AP1G1: variants seen among roughly 807,000 people sequenced by gnomAD.
AP1G1 encodes AP-1 complex subunit gamma-1.
AP1G1 carries 7 observed loss-of-function variants against 108.3 expected under a neutral mutation model. The ratio of observed to expected loss-of-function variants is 0.06; its 90% CI spans 0.04 to 0.12. The LOEUF is 0.12. Among genes scored for constraint, AP1G1 ranks in the 10% least tolerant of loss-of-function variants. AP1G1 has a pLI of 1.00. For missense variants in AP1G1, 756 were observed against 1,010.7 expected (o/e 0.75, Z 3.42); for synonymous variants, 379 against 353.5 (o/e 1.07, Z -0.81).
chr16:71,800,757 C>T (rs552919472), intron 1 of AP1G1, among the ~76,000 whole-genome samples: 92 of 151,852 alleles, frequency 6.1e-4, no homozygotes, highest in African/African-American at 1.7e-3. Context: ...GCTGGGATCG[C>T]GCCACTGCAC....
chr16:71,734,856 A>T, intron 21 of AP1G1, 149 bp from the exon 22 acceptor site: 1 of 631,840 alleles, frequency 1.6e-6, no homozygotes. Flanking sequence ...TCTAGATATC[A>T]GGAATTCACA....
intron 16 of AP1G1, among the ~76,000 whole-genome samples, chr16:71,747,570 G>A (rs1188754002): frequency 6.6e-6 from 1 of 150,978 alleles, no homozygotes; most frequent in Non-Finnish European, 1.5e-5. Flanking sequence ...AACAGAGCAA[G>A]ATTCTGTCAT....
chr16:71,753,952 A>T, intron 12 of AP1G1, 65 bp from the exon 13 acceptor site: 1 of 1,486,812 alleles, frequency 6.7e-7, no homozygotes, highest in South Asian at 1.1e-5. Context: ...GTGACTAGAA[A>T]ATCCTGCCCA....
Position 71,794,958 on chromosome 16 carries a change from C to T in AP1G1, c.-3-5476G>A, listed in dbSNP as rs72801751. ...ACTCTTGTATCCTCCTATAAGAATA[C>T]AAACTTGATAAATACTATATTTATT... On this transcript the variant is annotated intron_variant, in intron 1 of 22. Coordinates refer to ENST00000299980, the MANE Select transcript of AP1G1 (RefSeq NM_001128.6). 4.9e-3 allele frequency among the ~76,000 whole-genome samples: 717 copies of T among 145,568 alleles called. 5 individuals carry two copies. The Middle Eastern group carries it at 0.053, about 11-fold the overall frequency.
chr16:71,804,902 G>C (rs1039911135), intron 1 of AP1G1, among the ~76,000 whole-genome samples: 2 of 152,134 alleles, frequency 1.3e-5, no homozygotes, highest in Admixed American at 1.3e-4. Flanking sequence ...CAGCTACTTA[G>C]GAGGCTGAAG....
chr16:71,739,612 C>CA (rs1354184522), intron 19 of AP1G1, among the ~76,000 whole-genome samples: 1 of 151,768 alleles, frequency 6.6e-6, no homozygotes, highest in Non-Finnish European at 1.5e-5. Flanking sequence ...ATTAGCCAGG[C>CA]ATGGTGGTGT....
intron 9 of AP1G1, among the ~76,000 whole-genome samples, chr16:71,762,465 C>T (rs2031132196): frequency 6.6e-6 from 1 of 152,090 alleles, no homozygotes; most frequent in Non-Finnish European, 1.5e-5. Flanking sequence ...GGGGAACAAC[C>T]ATGATATTAG....
chr16:71,757,686 G>A (rs2030871349), intron 11 of AP1G1, among the ~76,000 whole-genome samples: 1 of 152,158 alleles, frequency 6.6e-6, no homozygotes, highest in African/African-American at 2.4e-5. Context: ...TAAAGGCAGA[G>A]TCAGAAAATG....
At chr16:71,757,931 G>A (rs1310887666) in intron 11 of AP1G1, among the ~76,000 whole-genome samples, 5 of 152,132 alleles carry the variant, frequency 3.3e-5, no homozygotes, top group Non-Finnish European at 7.4e-5. Flanking sequence ...GTTAATTAGG[G>A]ATAGAAGTAG....
intron 19 of AP1G1, chr16:71,742,494 T>C (rs1257888230): frequency 6.6e-6 from 1 of 152,236 alleles, no homozygotes; most frequent in African/African-American, 2.4e-5. Flanking sequence ...GTGCCTACTA[T>C]GTATCATGCA....
chr16:71,805,616 C>G (rs1410482145), intron 1 of AP1G1, among the ~76,000 whole-genome samples: 1 of 152,134 alleles, frequency 6.6e-6, no homozygotes, highest in Non-Finnish European at 1.5e-5. Flanking sequence ...AAATCCTCAT[C>G]AAATGCAAAT....
rs1217936966 is a variant in AP1G1, at chr16:71,731,119, A to G, written c.*1939T>C. On this transcript the variant is annotated 3_prime_UTR_variant, in exon 23 of 23. Coordinates refer to ENST00000299980, the MANE Select transcript of AP1G1 (RefSeq NM_001128.6). ...ATCCAATGAAATCAGTCTGCAAAGA[A>G]ACCCTTAAAGGCTATTTTTCATTGC... The G allele has an allele frequency of 1.3e-5, 2 of 152,596 alleles. No individual in the cohort carries two copies. Among genetic ancestry groups the G allele is most frequent in the East Asian group, 3.8e-4 (2 of 5,204 alleles). The allele number at this position is 152,596 out of a possible 1,614,324, so 9.5% of individuals were successfully genotyped here.
intron 6 of AP1G1, among the ~76,000 whole-genome samples, chr16:71,766,858 A>C (rs1005588610): frequency 1.8e-4 from 27 of 152,256 alleles, no homozygotes; most frequent in African/African-American, 6.3e-4. Flanking sequence ...AGTCACCTAA[A>C]CAAAAGTCTA....
At chr16:71,744,016 A>C (rs1463023513) in intron 19 of AP1G1, among the ~76,000 whole-genome samples, 1 of 151,448 alleles carries the variant, frequency 6.6e-6, no homozygotes, top group Non-Finnish European at 1.5e-5. Flanking sequence ...AGGCCGAGGC[A>C]GGGGGATCAT....
rs1385650926 is a variant in AP1G1, at chr16:71,729,791, C to G, written c.*3267G>C. The G allele has an allele frequency of 1.3e-5, 2 of 152,626 alleles. No homozygotes were observed. The highest frequency in any genetic ancestry group is 2.1e-4 in the South Asian group (1 of 4,826). 9.5% of individuals were successfully genotyped at this position (152,626 alleles called of 1,614,324 possible). A position where few individuals can be genotyped will look rare whatever the true frequency, so the allele number is the denominator to read the frequency against. The stretch of plus-strand genomic sequence containing the variant: ...AGTTCATGAACACCCACTTTTTCCT[C>G]TCTAGTTTTCTCAGTTTAGGACACT... On this transcript the variant is annotated 3_prime_UTR_variant, in exon 23 of 23. Coordinates refer to ENST00000299980, the MANE Select transcript of AP1G1 (RefSeq NM_001128.6).
chr16:71,794,825 A>C (rs1425012480), intron 1 of AP1G1, among the ~76,000 whole-genome samples: 1 of 100,178 alleles, frequency 1.0e-5, no homozygotes, highest in African/African-American at 4.5e-5. Context: ...TTCTCAGGCC[A>C]TGAGAAGTGC....
At chr16:71,788,338 A>G (rs1216026818) in intron 2 of AP1G1, among the ~76,000 whole-genome samples, 1 of 152,156 alleles carries the variant, frequency 6.6e-6, no homozygotes, top group Non-Finnish European at 1.5e-5. Flanking sequence ...CTAATATGAA[A>G]TAAAAAAAAC....
At chr16:71,778,691 AAAAAG>A (rs1055689845) in intron 2 of AP1G1, among the ~76,000 whole-genome samples, 4 of 151,744 alleles carry the variant, frequency 2.6e-5, no homozygotes, top group African/African-American at 7.3e-5. Flanking sequence ...TTAAAAAAAA[AAAAAG>A]AAAGAAAGAA....
At chr16:71,742,255 C>T (rs1309534423) in intron 19 of AP1G1, 2 of 151,966 alleles carry the variant, frequency 1.3e-5, no homozygotes, top group African/African-American at 4.8e-5. Flanking sequence ...ATCTATAATA[C>T]AAATATGTGA....
Sources: allele counts gnomAD v4.1 joint callset (sites outside exome capture counted in the v4.1 genomes callset), GRCh38; gene constraint gnomAD v4.1.1; transcripts MANE v1.5; gene names NCBI Gene and HGNC (gene_info 2026-07-23, HGNC 2026-07-21).